Variants in ATP2C1 observed in about 807,000 individuals in gnomAD.
ATP2C1 encodes the protein ATPase secretory pathway Ca2+ transporting 1, also known as calcium-transporting ATPase type 2C member 1.
Under a neutral mutation model 120.5 loss-of-function variants are expected in ATP2C1, and 31 were observed. The ratio of observed to expected loss-of-function variants is 0.26; its 90% CI spans 0.19 to 0.35. The LOEUF (loss-of-function observed/expected upper bound fraction) is 0.35. Ranked by LOEUF, ATP2C1 falls within the 10% of genes least tolerant of loss-of-function variation. The probability of loss-of-function intolerance (pLI) is 1.00; values close to 1 mark genes in which losing one functional copy is unlikely to be tolerated. For missense variants in ATP2C1, 731 were observed against 1,107.5 expected, an observed-to-expected ratio of 0.66 and a Z score of 4.83; for synonymous variants, 351 against 358.7, an observed-to-expected ratio of 0.98 and a Z score of 0.24.
At chr3:130,881,520 A>G (rs570512173) in intron 1 of ATP2C1, among the ~76,000 whole-genome samples, 1 of 152,032 alleles carries the variant, frequency 6.6e-6, no homozygotes, top group South Asian at 2.1e-4. Context: ...CACCATGCCC[A>G]GCTAGTTTTT....
Position 130,912,802 on chromosome 3 carries a change from ATG to A in ATP2C1, c.7-17612_7-17611del, listed in dbSNP as rs2058495167. On this transcript the variant is annotated intron_variant, in intron 2 of 27. Coordinates refer to ENST00000510168, the MANE Select transcript of ATP2C1 (RefSeq NM_001378687.1). Reference sequence around the variant, plus strand: ...CATGCTGCTATAAAGACACATGCACATGTATGTTTATTGCGGCATTATTCACA... The same window carrying A: ...CATGCTGCTATAAAGACACATGCACATATGTTTATTGCGGCATTATTCACA... Among the ~76,000 whole-genome samples the A allele has an allele frequency of 3.9e-5, 6 of 152,018 alleles. No homozygotes were observed. The South Asian group carries it at 1.3e-3, about 32-fold the overall frequency.
chr3:130,947,144 T>C (rs971227425), intron 8 of ATP2C1, among the ~76,000 whole-genome samples: 6 of 152,202 alleles, frequency 3.9e-5, no homozygotes, highest in African/African-American at 1.4e-4. Flanking sequence ...CTAATGTGCC[T>C]AGGAATCAGC....
intron 2 of ATP2C1, among the ~76,000 whole-genome samples, chr3:130,915,357 A>G (rs1421189224): frequency 6.6e-6 from 1 of 152,236 alleles, no homozygotes; most frequent in African/African-American, 2.4e-5. Context: ...GACTCCCAAA[A>G]TGCTGGAATT....
intron 17 of ATP2C1, 84 bp from the exon 18 acceptor site, chr3:130,975,248 A>G: frequency 7.4e-7 from 1 of 1,354,424 alleles, no homozygotes; most frequent in South Asian, 1.2e-5. Context: ...AATTATGAGA[A>G]ATGAATGCCA....
chr3:130,897,046 T>G, intron 2 of ATP2C1, among the ~76,000 whole-genome samples: 1 of 152,230 alleles, frequency 6.6e-6, no homozygotes, highest in East Asian at 1.9e-4. Flanking sequence ...AAGTGCTCGG[T>G]AAATGTTAAT....
Position 131,000,768 on chromosome 3 carries a change from A to G in ATP2C1, c.2630-452A>G, listed in dbSNP as rs551729785. On this transcript the variant is annotated intron_variant, in intron 27 of 27. Coordinates refer to ENST00000510168, the MANE Select transcript of ATP2C1 (RefSeq NM_001378687.1). The stretch of plus-strand genomic sequence containing the variant: ...CTTTTCTTATTTTTAACTGAGGGTG[A>G]TTGTGCCTGCCTTATGGAATAGTTG... Among the ~76,000 whole-genome samples, 3 of 152,154 alleles carry G rather than the reference A, an allele frequency of 2.0e-5. No individual in the cohort carries two copies. The South Asian group carries it at 6.2e-4, about 32-fold the overall frequency.
intron 2 of ATP2C1, among the ~76,000 whole-genome samples, chr3:130,895,042 G>T (rs934968701): frequency 6.6e-6 from 1 of 152,104 alleles, no homozygotes; most frequent in Admixed American, 6.5e-5. Flanking sequence ...GAATGAGAGG[G>T]AAGTTTTCAT....
At chr3:130,920,189 A>G (rs1327029814) in intron 2 of ATP2C1, among the ~76,000 whole-genome samples, 1 of 151,984 alleles carries the variant, frequency 6.6e-6, no homozygotes, top group East Asian at 1.9e-4. Flanking sequence ...TTTTAGTTTG[A>G]TGTAGTCCCA....
At chr3:130,927,263 C>CATT (rs2059252541) in intron 2 of ATP2C1, among the ~76,000 whole-genome samples, 1 of 144,212 alleles carries the variant, frequency 6.9e-6, no homozygotes, top group Non-Finnish European at 1.5e-5. Context: ...TTTTTTGAGA[C>CATT]AGAGTCTCGC....
chr3:130,967,526 A>T, intron 16 of ATP2C1, 107 bp downstream of exon 16: 1 of 887,104 alleles, frequency 1.1e-6, no homozygotes, highest in South Asian at 1.4e-5. Context: ...GAGTGAAAAA[A>T]ACTCATACTA....
Position 130,896,825 on chromosome 3 carries a change from A to G in ATP2C1, c.6+2050A>G, listed in dbSNP as rs575044450. Reference sequence around the variant, plus strand: ...AGGATTAAATGAGAAACCCTGTATAAATTCTCTTGTGAGGTAGGAATGATA... The same window carrying G: ...AGGATTAAATGAGAAACCCTGTATAGATTCTCTTGTGAGGTAGGAATGATA... On this transcript the variant is annotated intron_variant, in intron 2 of 27. Coordinates refer to ENST00000510168, the MANE Select transcript of ATP2C1 (RefSeq NM_001378687.1). 2.6e-5 allele frequency among the ~76,000 whole-genome samples: 4 copies of G among 152,338 alleles called. No homozygotes were observed. In the East Asian group the frequency reaches 5.8e-4, roughly 22 times the overall value.
rs576765820 is a variant in ATP2C1, at chr3:130,932,561, C to A, written c.234+423C>A. ...TACCAGTTGTGTCATCTTTATTATC[C>A]TCTGAGCCTTATCTATAAAATGGTG... is the stretch of plus-strand genomic sequence containing the variant. On this transcript the variant is annotated intron_variant, in intron 4 of 27. Coordinates refer to ENST00000510168, the MANE Select transcript of ATP2C1 (RefSeq NM_001378687.1). 3.3e-5 allele frequency among the ~76,000 whole-genome samples: 5 copies of A among 152,204 alleles called. No homozygotes were observed. The East Asian group carries it at 9.6e-4, about 29-fold the overall frequency.
intron 2 of ATP2C1, among the ~76,000 whole-genome samples, chr3:130,927,484 G>A (rs1391455200): frequency 6.6e-6 from 1 of 151,954 alleles, no homozygotes; most frequent in African/African-American, 2.4e-5. Context: ...CTTGTGAACC[G>A]CCCGCTTCAG....
In ATP2C1 at chr3:130,875,866, G is replaced by T. The variant is rs539230174; in HGVS notation, c.108+24938G>T. Among the ~76,000 whole-genome samples the T allele has an allele frequency of 3.2e-4, 48 of 150,592 alleles. 1 individual carries two copies. In the South Asian group the frequency reaches 0.01, roughly 32 times the overall value. Reference sequence around the variant, plus strand: ...TGGTTTTGATTTGCATTTCTCTGATGATTAGTGATGTCGAGTGTTTTTTTT... The same window carrying T: ...TGGTTTTGATTTGCATTTCTCTGATTATTAGTGATGTCGAGTGTTTTTTTT... On this transcript the variant is annotated intron_variant, in intron 1 of 26. Transcript: ENST00000504381.
At chr3:130,878,503 T>C (rs2068680311) in intron 1 of ATP2C1, among the ~76,000 whole-genome samples, 1 of 152,260 alleles carries the variant, frequency 6.6e-6, no homozygotes, top group African/African-American at 2.4e-5. Context: ...CTATTGTGTG[T>C]TTTCTTGATG....
intron 20 of ATP2C1, among the ~76,000 whole-genome samples, chr3:130,991,645 GTT>G (rs777883129): frequency 6.6e-6 from 1 of 152,176 alleles, no homozygotes; most frequent in Admixed American, 6.5e-5. Context: ...GGGACAACAT[GTT>G]TTTGTATACT....
At chr3:130,975,147 A>G (rs1228232080) in intron 17 of ATP2C1, among the ~76,000 whole-genome samples, 185 bp from the exon 18 acceptor site, 2 of 152,126 alleles carry the variant, frequency 1.3e-5, no homozygotes, top group African/African-American at 2.4e-5. Context: ...GATGTTTTCT[A>G]TAGAAGATAC....
intron 14 of ATP2C1, among the ~76,000 whole-genome samples, chr3:130,966,036 C>T (rs1327793905): frequency 6.6e-6 from 1 of 152,158 alleles, no homozygotes; most frequent in Non-Finnish European, 1.5e-5. Flanking sequence ...TCAGTCTATG[C>T]AGGATTTCTG....
chr3:130,892,036 G>A (rs182230151), upstream of ATP2C1, among the ~76,000 whole-genome samples: 26 of 152,028 alleles, frequency 1.7e-4, no homozygotes, highest in African/African-American at 6.0e-4. Flanking sequence ...ATAATTTAGG[G>A]GACCAAAAGT....
Sources: gnomAD v4.1 joint callset for allele counts (sites outside exome capture counted in the v4.1 genomes callset) on GRCh38, gnomAD v4.1.1 for gene constraint, MANE v1.5 for transcripts, NCBI Gene and HGNC (gene_info 2026-07-23, HGNC 2026-07-21) for gene names.